Variants in CPXM2 observed in about 807,000 individuals in gnomAD.
The protein encoded by CPXM2 is inactive carboxypeptidase-like protein X2.
In CPXM2, 66 loss-of-function variants were observed where a neutral mutation model predicts 86.1. The ratio of observed to expected loss-of-function variants is 0.77; its 90% CI spans 0.63 to 0.94. The LOEUF (loss-of-function observed/expected upper bound fraction) is 0.94, where lower values mean the gene tolerates loss of function less well. Among genes scored for constraint, CPXM2 ranks in the 40% least tolerant of loss-of-function variants. CPXM2 has a pLI of 0.00. For missense variants in CPXM2, 948 were observed against 1,026.3 expected, an observed-to-expected ratio of 0.92 and a Z score of 1.04; for synonymous variants, 388 against 400.2, an observed-to-expected ratio of 0.97 and a Z score of 0.36.
rs1022194030 is a variant in CPXM2 at position 123,865,580 on chromosome 10, G to T, written c.404-2857C>A. On this transcript the variant is annotated intron_variant, in intron 2 of 13. Transcript: ENST00000241305. The surrounding 1 kb of genome is among the most constrained non-coding windows in gnomAD (Gnocchi z 4.7). ...TGTCCACCTCCTATCACACCTCTGA[G>T]TTTCCACTCAACCTCACGCATGCCT... Among the ~76,000 whole-genome samples, 3 of 152,188 alleles carry T rather than the reference G, an allele frequency of 2.0e-5. No individual in the cohort carries two copies. The highest frequency in any genetic ancestry group is 4.4e-5 in the Non-Finnish European group (3 of 68,044).
chr10:123,927,754 C>T (rs549091697), intron 2 of CPXM2, among the ~76,000 whole-genome samples: 125 of 152,330 alleles, frequency 8.2e-4, no homozygotes, highest in Non-Finnish European at 1.3e-3. Flanking sequence ...CTGCACCAGG[C>T]TTTGTTACCC....
intron 2 of CPXM2, among the ~76,000 whole-genome samples, chr10:123,921,184 A>G (rs898906974): frequency 6.6e-6 from 1 of 152,222 alleles, no homozygotes; most frequent in Non-Finnish European, 1.5e-5. Flanking sequence ...TAAAGAGAGG[A>G]GGTGTAAGAG....
Position 123,766,832 on chromosome 10 carries a change from G to A in CPXM2, c.1479+141C>T, listed in dbSNP as rs144932568. On this transcript the variant is annotated intron_variant, in intron 10 of 13. Transcript: ENST00000241305. ...CCACCTAAAAGGTAGTTATTATCTAGCATACTTCTCTGCTTTTGGAGAAAA... is the reference window on the plus strand; with the variant it reads ...CCACCTAAAAGGTAGTTATTATCTAACATACTTCTCTGCTTTTGGAGAAAA... The A allele has an allele frequency of 7.8e-6, 5 of 644,998 alleles. No individual in the cohort carries two copies. In the African/African-American group the frequency reaches 9.0e-5, roughly 12 times the overall value. 40.0% of individuals were successfully genotyped at this position (644,998 alleles called of 1,614,324 possible). A position where few individuals can be genotyped will look rare whatever the true frequency, so the allele number is the denominator to read the frequency against.
chr10:123,839,188 G>A (rs1324370340), intron 4 of CPXM2, among the ~76,000 whole-genome samples: 2 of 152,144 alleles, frequency 1.3e-5, no homozygotes, highest in East Asian at 3.9e-4. Flanking sequence ...TTATGAGATC[G>A]AGAGTAGTTA....
chr10:123,870,061 C>T (rs1285907087), intron 2 of CPXM2, among the ~76,000 whole-genome samples: 1 of 152,084 alleles, frequency 6.6e-6, no homozygotes, highest in Admixed American at 6.5e-5. Flanking sequence ...ACAGGGAAAA[C>T]CTGCAGGTAA....
intron 2 of CPXM2, among the ~76,000 whole-genome samples, chr10:123,904,359 T>C (rs1383289558): frequency 1.3e-5 from 2 of 152,124 alleles, no homozygotes; most frequent in Non-Finnish European, 2.9e-5. Flanking sequence ...CCCTGCAGGT[T>C]CTGGCTCAGC....
chr10:123,815,605 G>A (rs113424774), intron 4 of CPXM2, among the ~76,000 whole-genome samples: 4,805 of 152,204 alleles, frequency 0.032, 255 homozygotes, highest in African/African-American at 0.11. Context: ...CTTTGTCTGA[G>A]GAGATAAACC....
chr10:123,853,924 GAA>G (rs1848652346), intron 3 of CPXM2, among the ~76,000 whole-genome samples: 1 of 151,946 alleles, frequency 6.6e-6, no homozygotes, highest in Non-Finnish European at 1.5e-5. Flanking sequence ...AAGAAAGAAA[GAA>G]AGAATCTGCT....
At chr10:123,775,373 A>G (rs188642264) in intron 7 of CPXM2, among the ~76,000 whole-genome samples, 7 of 152,336 alleles carry the variant, frequency 4.6e-5, no homozygotes, top group Admixed American at 4.6e-4. Context: ...ATCTCTACGG[A>G]CATAAAGCCT....
intron 4 of CPXM2, among the ~76,000 whole-genome samples, chr10:123,810,868 G>C (rs940632819): frequency 6.6e-6 from 1 of 152,040 alleles, no homozygotes; most frequent in Non-Finnish European, 1.5e-5. Flanking sequence ...AGAAACAGTA[G>C]AGTATTGTCC....
intron 13 of CPXM2, among the ~76,000 whole-genome samples, chr10:123,747,824 A>C (rs1210919061): frequency 1.3e-5 from 2 of 150,970 alleles, no homozygotes; most frequent in Admixed American, 6.6e-5. Context: ...CTGGAGGATG[A>C]GACAGGAGAA....
chr10:123,763,274 G>A (rs561956426), intron 10 of CPXM2, among the ~76,000 whole-genome samples: 8 of 152,134 alleles, frequency 5.3e-5, no homozygotes, highest in African/African-American at 9.6e-5. Flanking sequence ...TCCTGACCTC[G>A]TGATCTGCCC....
At chr10:123,787,454 C>A (rs1045935556) in intron 6 of CPXM2, among the ~76,000 whole-genome samples, 3 of 152,134 alleles carry the variant, frequency 2.0e-5, no homozygotes, top group African/African-American at 7.2e-5. Context: ...TCACTGCAAC[C>A]TCCTGAGTAA....
intron 4 of CPXM2, among the ~76,000 whole-genome samples, chr10:123,836,984 C>A (rs560937372): frequency 2.6e-5 from 4 of 152,210 alleles, no homozygotes; most frequent in Non-Finnish European, 5.9e-5. Flanking sequence ...TCAGCCACCC[C>A]CCACTAACTT....
At chr10:123,826,731 A>T (rs1848054824) in intron 4 of CPXM2, among the ~76,000 whole-genome samples, 1 of 152,164 alleles carries the variant, frequency 6.6e-6, no homozygotes. Context: ...AAAAGTTGAA[A>T]TCGACTTACG....
chr10:123,755,198 A>G lies in CPXM2; in HGVS notation c.1918-436T>C, dbSNP rs79121747. On this transcript the variant is annotated intron_variant, in intron 12 of 13. Coordinates refer to ENST00000241305, the MANE Select transcript of CPXM2 (RefSeq NM_198148.3). ...AGTAGCCAATGGGCATGCTTTCGGC[A>G]TGCCCTCTGAGGCCAGCCCCTGGAG... Among the ~76,000 whole-genome samples, 166 of 152,338 alleles carry G rather than the reference A, an allele frequency of 1.1e-3. No individual in the cohort carries two copies. In the East Asian group the frequency reaches 0.021, roughly 19 times the overall value.
At chr10:123,873,219 C>T (rs184391570) in intron 2 of CPXM2, among the ~76,000 whole-genome samples, 130 of 146,866 alleles carry the variant, frequency 8.9e-4, no homozygotes, top group African/African-American at 3.0e-3. Flanking sequence ...AATCAACATT[C>T]AAAAATTAAC....
intron 12 of CPXM2, among the ~76,000 whole-genome samples, chr10:123,756,834 C>T (rs576520229): frequency 5.7e-4 from 87 of 152,290 alleles, no homozygotes; most frequent in East Asian, 1.9e-4. Context: ...GGCTTGGTTT[C>T]GGACTTCCGG....
intron 3 of CPXM2, among the ~76,000 whole-genome samples, chr10:123,861,262 C>T (rs778235194): frequency 4.6e-5 from 7 of 152,040 alleles, no homozygotes; most frequent in Non-Finnish European, 7.4e-5. Flanking sequence ...AGATGGTGCA[C>T]GTGCAAAGGG....
Sources: allele counts gnomAD v4.1 joint callset (sites outside exome capture counted in the v4.1 genomes callset), GRCh38; gene constraint gnomAD v4.1.1; non-coding constraint Gnocchi (gnomAD v3.1); transcripts MANE v1.5; gene names NCBI Gene and HGNC (gene_info 2026-07-23, HGNC 2026-07-21).